The following PUDP variants were observed in gnomAD, a reference collection of about 807,000 sequenced individuals.
The protein encoded by PUDP is pseudouridine 5'-phosphatase.
PUDP carries 8 observed loss-of-function variants against 9.4 expected under a neutral mutation model. The observed-to-expected ratio is 0.85, with a 90% CI of 0.50 to 1.53. The LOEUF is 1.53. Ranked by LOEUF, PUDP falls within the 40% of genes most tolerant of loss-of-function variation. PUDP has a pLI of 0.00. For missense variants in PUDP, 188 were observed against 189.7 expected, an observed-to-expected ratio of 0.99 and a Z score of 0.05; for synonymous variants, 99 against 80.7, an observed-to-expected ratio of 1.23 and a Z score of -1.22.
chrX:6,845,433 A>G (rs2063876297), intron 3 of PUDP, among the ~76,000 whole-genome samples: 1 of 112,019 alleles, frequency 8.9e-6, no homozygotes, highest in South Asian at 3.7e-4. Context: ...GTTTTCTTGT[A>G]TGACAATCAA....
In PUDP at chrX:6,709,849, G is replaced by A. The variant is rs768673238; in HGVS notation, n.129-3383C>T. 2.5e-3 allele frequency among the ~76,000 whole-genome samples: 280 copies of A among 112,219 alleles called. 1 individual carries two copies. The highest frequency in any genetic ancestry group is 8.8e-3 in the African/African-American group (273 of 30,925). On this transcript the variant is annotated intron_variant and non_coding_transcript_variant, in intron 1 of 2. Transcript: ENST00000438499. ...TTTAAAAACTAAATTTGGGCCAGGT[G>A]TGGTGGCTCACACCTGTGATCCCAG...
rs1323674175 is a variant in PUDP, at chrX:6,784,525, T to C, written c.*248-78059A>G. On this transcript the variant is annotated intron_variant and NMD_transcript_variant, in intron 3 of 3. Coordinates refer to the PUDP transcript ENST00000655425. The stretch of plus-strand genomic sequence containing the variant: ...CCGAAGGGAAACCAGCTTTGAAGCA[T>C]TGGCACCATCAGCAATCTTTACCCA... Among the ~76,000 whole-genome samples, 4 of 111,580 alleles carry C rather than the reference T, an allele frequency of 3.6e-5. 1 individual carries two copies. The East Asian group carries it at 8.5e-4, about 24-fold the overall frequency.
intron 1 of PUDP, among the ~76,000 whole-genome samples, chrX:7,007,850 G>A (rs924729011): frequency 9.8e-5 from 11 of 112,216 alleles, no homozygotes; most frequent in Non-Finnish European, 1.5e-4. Flanking sequence ...TAAAAGGATT[G>A]TGGGGATTTT....
At chrX:6,900,346 C>A (rs1927659885) in intron 3 of PUDP, among the ~76,000 whole-genome samples, 1 of 102,599 alleles carries the variant, frequency 9.7e-6, no homozygotes. Context: ...GGCGCTGCTA[C>A]TGGCATCTGG....
chrX:7,066,355 G>A (rs1930553986), intron 3 of PUDP, among the ~76,000 whole-genome samples: 3 of 111,681 alleles, frequency 2.7e-5, no homozygotes, highest in African/African-American at 9.8e-5. Context: ...ACATGTTTTA[G>A]AGCAGTGGTC....
chrX:6,816,282 A>G (rs1232206377), intron 3 of PUDP, among the ~76,000 whole-genome samples: 1 of 105,271 alleles, frequency 9.5e-6, no homozygotes, highest in Non-Finnish European at 1.9e-5. Context: ...GTATATATGT[A>G]TATATACTAT....
chrX:6,742,484 T>C (rs1009232316), intron 3 of PUDP, among the ~76,000 whole-genome samples: 1 of 112,586 alleles, frequency 8.9e-6, no homozygotes, highest in East Asian at 2.8e-4. Flanking sequence ...AAAAAAATCT[T>C]TGGGCTGAGT....
intron 3 of PUDP, among the ~76,000 whole-genome samples, chrX:6,784,652 G>GCTATT (rs781160813): frequency 8.9e-6 from 1 of 112,013 alleles, no homozygotes; most frequent in Non-Finnish European, 1.9e-5. Flanking sequence ...ACTTGAGAAA[G>GCTATT]CTATTTCTTA....
At chrX:6,872,114 C>T (rs1354321279) in intron 3 of PUDP, among the ~76,000 whole-genome samples, 2 of 110,638 alleles carry the variant, frequency 1.8e-5, no homozygotes, top group Non-Finnish European at 3.8e-5. Flanking sequence ...CATCACTTCC[C>T]CAAGGCCCAT....
At chrX:7,098,166 C>T (rs1931626300) in intron 2 of PUDP, among the ~76,000 whole-genome samples, 1 of 112,364 alleles carries the variant, frequency 8.9e-6, no homozygotes, top group Non-Finnish European at 1.9e-5. Flanking sequence ...TACAGCAATG[C>T]CCCAGGTGTT....
At chrX:6,936,039 G>A (rs989808046) in intron 3 of PUDP, among the ~76,000 whole-genome samples, 2 of 110,813 alleles carry the variant, frequency 1.8e-5, no homozygotes, top group African/African-American at 6.6e-5. Flanking sequence ...ATTCACAGCC[G>A]AATTCTACCA....
At chrX:6,963,827 A>T (rs893742713) in intron 3 of PUDP, among the ~76,000 whole-genome samples, 2 of 112,089 alleles carry the variant, frequency 1.8e-5, no homozygotes, top group Non-Finnish European at 3.8e-5. Context: ...ATTGGTTTTA[A>T]TCCCTCATGC....
intron 3 of PUDP, among the ~76,000 whole-genome samples, chrX:6,726,740 T>C (rs763077462): frequency 1.2e-3 from 133 of 111,503 alleles, no homozygotes; most frequent in Non-Finnish European, 2.2e-3. Context: ...TGAAAACATA[T>C]TACTCAGGAA....
At chrX:6,981,122 A>T (rs996590396) in intron 1 of PUDP, among the ~76,000 whole-genome samples, 7 of 112,007 alleles carry the variant, frequency 6.2e-5, no homozygotes, top group Admixed American at 9.5e-5. Flanking sequence ...GCATCAACTA[A>T]ATTCAAATCT....
In PUDP at chrX:6,939,845, C is replaced by CA. The variant is rs1263025287; in HGVS notation, c.*247+37287dup. Among the ~76,000 whole-genome samples the CA allele has an allele frequency of 7.6e-3, 429 of 56,511 alleles. 2 individuals carry two copies. Among genetic ancestry groups the CA allele is most frequent in the Middle Eastern group, 0.014 (1 of 70 alleles). 49.1% of individuals were successfully genotyped at this position (56,511 alleles called of 115,157 possible). On this transcript the variant is annotated intron_variant and NMD_transcript_variant, in intron 3 of 3. Coordinates refer to the PUDP transcript ENST00000655425. ...TGGGTGACAGAGCAAGACTCTGTCT[C>CA]AAAAAAAAAAAAGAAAAGAAAAGAA...
chrX:7,105,545 A>T (rs1363756915), intron 2 of PUDP, 75 bp downstream of exon 2: 5 of 757,753 alleles, frequency 6.6e-6, no homozygotes, highest in Non-Finnish European at 9.5e-6. Context: ...GCCCTATGCT[A>T]GACTTTAAAG....
chrX:7,086,692 G>A (rs1316283604), intron 2 of PUDP, among the ~76,000 whole-genome samples: 1 of 112,067 alleles, frequency 8.9e-6, no homozygotes, highest in African/African-American at 3.2e-5. Context: ...TTTTGAAAAG[G>A]TGCTTGCTGC....
At chrX:6,913,277 G>C (rs764980852) in intron 3 of PUDP, among the ~76,000 whole-genome samples, 1 of 111,699 alleles carries the variant, frequency 9.0e-6, no homozygotes, top group African/African-American at 3.2e-5. Context: ...AAATGATTTG[G>C]ATTGAAGAAA....
At chrX:6,755,930 T>A (rs1925164290) in intron 3 of PUDP, among the ~76,000 whole-genome samples, 1 of 110,892 alleles carries the variant, frequency 9.0e-6, no homozygotes, top group Admixed American at 9.7e-5. Context: ...GAGATGAGAA[T>A]GTTGTCCTGA....
Sources: allele counts gnomAD v4.1 joint callset (sites outside exome capture counted in the v4.1 genomes callset), GRCh38; gene constraint gnomAD v4.1.1; transcripts MANE v1.5; gene names NCBI Gene and HGNC (gene_info 2026-07-23, HGNC 2026-07-21).